The following NTNG2 variants were observed in gnomAD, a reference collection of about 807,000 sequenced individuals.
The protein encoded by NTNG2 is netrin-G2.
A neutral mutation model predicts 47.6 loss-of-function variants in NTNG2; 15 were observed. That is an observed-to-expected ratio of 0.32 (90% CI 0.21 to 0.49). The LOEUF (loss-of-function observed/expected upper bound fraction) is 0.49. Ranked by LOEUF, NTNG2 falls within the 20% of genes least tolerant of loss-of-function variation. The pLI, the probability that NTNG2 is intolerant of heterozygous loss-of-function variation, is 0.99. For synonymous variants in NTNG2, 307 were observed against 324.6 expected (o/e 0.95, Z 0.58); for missense variants, 578 against 764.6 (o/e 0.76, Z 2.88).
Position 132,180,928 on chromosome 9 carries a change from C to T in NTNG2, c.213+13884C>T, listed in dbSNP as rs1836888896. Among the ~76,000 whole-genome samples the T allele has an allele frequency of 6.6e-6, 1 of 152,206 alleles. No individual in the cohort carries two copies. Among genetic ancestry groups the T allele is most frequent in the African/African-American group, 2.4e-5 (1 of 41,442 alleles). Reference sequence around the variant, plus strand: ...GCACACACACACACATATAAGGTTGCAAACACTTTCAGGGACTTCCCAGAT... The same window carrying T: ...GCACACACACACACATATAAGGTTGTAAACACTTTCAGGGACTTCCCAGAT... On this transcript the variant is annotated intron_variant, in intron 2 of 7. Coordinates refer to ENST00000393229, the MANE Select transcript of NTNG2 (RefSeq NM_032536.4). The surrounding 1 kb of genome is among the most constrained non-coding windows in gnomAD (Gnocchi z 4.2).
chr9:132,174,492 C>T (rs1013243549), intron 2 of NTNG2, among the ~76,000 whole-genome samples: 59 of 152,284 alleles, frequency 3.9e-4, no homozygotes, highest in African/African-American at 1.4e-3. Flanking sequence ...GGGATAAGTC[C>T]CTTGTGACCC....
intron 2 of NTNG2, among the ~76,000 whole-genome samples, chr9:132,174,643 GGT>G (rs1836271442): frequency 6.6e-6 from 1 of 152,154 alleles, no homozygotes; most frequent in African/African-American, 2.4e-5. Context: ...AAAAGGGCCG[GGT>G]GCACGGTGGC....
At chr9:132,235,048 T>G (rs1841518588) in intron 5 of NTNG2, among the ~76,000 whole-genome samples, 2 of 152,340 alleles carry the variant, frequency 1.3e-5, no homozygotes, top group East Asian at 3.9e-4. Flanking sequence ...CCCGTTAGTC[T>G]ACGGGCTGAG....
In NTNG2 at chr9:132,168,247, C is replaced by T. The variant is rs552426405; in HGVS notation, c.213+1203C>T. Among the ~76,000 whole-genome samples the T allele has an allele frequency of 5.2e-3, 787 of 152,338 alleles. 7 individuals carry two copies. Among genetic ancestry groups the T allele is most frequent in the African/African-American group, 0.018 (754 of 41,570 alleles). ...ACTGGGCAGTGCTCCGGAGGCCGTC[C>T]CTGGCAGGGCAGGGCAGAGCTGGGT... On this transcript the variant is annotated intron_variant, in intron 2 of 7. Transcript: ENST00000393229.
chr9:132,202,762 G>A (rs1194709942), intron 3 of NTNG2, among the ~76,000 whole-genome samples: 3 of 152,150 alleles, frequency 2.0e-5, no homozygotes, highest in Non-Finnish European at 4.4e-5. Flanking sequence ...TTTAAGACAG[G>A]GTTCCCCAGC....
At chr9:132,165,608 T>TACATATAGGTATGGGTCCATCTGC (rs1835455447) in intron 1 of NTNG2, among the ~76,000 whole-genome samples, 1 of 152,258 alleles carries the variant, frequency 6.6e-6, no homozygotes. Flanking sequence ...TGTTCATCTG[T>TACATATAGGTATGGGTCCATCTGC]ACATATAGGT....
chr9:132,214,828 CT>C (rs1297889244), intron 3 of NTNG2, among the ~76,000 whole-genome samples: 2 of 151,806 alleles, frequency 1.3e-5, no homozygotes, highest in Non-Finnish European at 2.9e-5. Flanking sequence ...ATGGAATATA[CT>C]TGTACTAACA....
At chr9:132,212,950 G>C (rs1839704225) in intron 3 of NTNG2, among the ~76,000 whole-genome samples, 1 of 152,080 alleles carries the variant, frequency 6.6e-6, no homozygotes, top group Admixed American at 6.5e-5. Flanking sequence ...AGAAGACCAA[G>C]ATCCCCAGGC....
intron 2 of NTNG2, among the ~76,000 whole-genome samples, chr9:132,196,539 G>T (rs1349697792): frequency 6.6e-6 from 1 of 152,196 alleles, no homozygotes. Context: ...ATCCACCACT[G>T]CAGTATTATA....
At chr9:132,194,330 C>T (rs894065200) in intron 2 of NTNG2, among the ~76,000 whole-genome samples, 1 of 152,188 alleles carries the variant, frequency 6.6e-6, no homozygotes, top group East Asian at 1.9e-4. Context: ...GCACCCTTCC[C>T]GGCTGCTGGC....
At position 132,236,166 on chromosome 9, in the gene NTNG2, C is replaced by T. The variant is rs1363771072; in HGVS notation, c.1055-2938C>T. Among the ~76,000 whole-genome samples, 1 of 152,176 alleles carries T rather than the reference C, an allele frequency of 6.6e-6. No individual in the cohort carries two copies. The highest frequency in any genetic ancestry group is 1.5e-5 in the Non-Finnish European group (1 of 68,030). On this transcript the variant is annotated intron_variant, in intron 5 of 7. Transcript: ENST00000393229. This position sits in a 1 kb window ranked among gnomAD's most constrained non-coding sequence, Gnocchi z 4.3. ...TGCAGGAGCGGGGGCCATGAGACCT[C>T]GGAGGGTGGACTGTGGTGGGTGAAG...
Position 132,166,892 on chromosome 9 carries a change from A to G in NTNG2, c.61A>G (p.Ile21Val). Residue 21 changes from isoleucine (I) to valine (V), a missense_variant, in exon 2 of 8, where the codon ATC becomes GTC. Coordinates refer to ENST00000393229, the MANE Select transcript of NTNG2 (RefSeq NM_032536.4). ...CCCTCTGGCCTCTGGGGACTATGAC[A>G]TCTGCAAATCCTGGGTGACCACAGA... ...CLPLASGDYD[I>V]CKSWVTTDEG... The G allele has an allele frequency of 1.2e-6, 2 of 1,614,164 alleles. No homozygotes were observed. The highest frequency in any genetic ancestry group is 1.1e-5 in the South Asian group (1 of 91,080).
In NTNG2 at chr9:132,226,942, C is replaced by T. The variant is rs1313456911; in HGVS notation, c.951C>T (p.Gly317=). 2.5e-6 allele frequency: 4 copies of T among 1,612,946 alleles called. No individual in the cohort carries two copies. The highest frequency in any genetic ancestry group is 3.4e-6 in the Non-Finnish European group (4 of 1,179,850). The change falls in exon 4 of 8, where the codon GGC becomes GGT. Residue 317 remains glycine (G), a synonymous_variant. Transcript: ENST00000393229. The surrounding 1 kb of genome is among the most constrained non-coding windows in gnomAD (Gnocchi z 4.8). ...ACAACACCACCGGCCCCGACTGCGG[C>T]AAGTGCAAGAAGAATTTCCGCACCC... The part of the protein sequence containing the change: ...CEHNTTGPDC[G]KCKKNFRTRS...
chr9:132,190,110 G>A (rs1208997533), intron 2 of NTNG2, among the ~76,000 whole-genome samples: 1 of 150,102 alleles, frequency 6.7e-6, no homozygotes, highest in Non-Finnish European at 1.5e-5. Context: ...GCGGGCACCT[G>A]TAATCCCAGC....
intron 2 of NTNG2, among the ~76,000 whole-genome samples, chr9:132,186,142 G>T (rs1837364870): frequency 6.6e-6 from 1 of 152,194 alleles, no homozygotes; most frequent in Non-Finnish European, 1.5e-5. Context: ...GAGCAGTGGG[G>T]TTTCACCTAT....
Position 132,228,453 on chromosome 9 carries a change from C to T in NTNG2, c.1030+1432C>T, listed in dbSNP as rs535716611. 2.4e-4 allele frequency among the ~76,000 whole-genome samples: 36 copies of T among 152,220 alleles called. 1 individual carries two copies. The South Asian group carries it at 4.8e-3, about 20-fold the overall frequency. Reference sequence around the variant, plus strand: ...TTTCCTGAGGTCTCTCTTTAGTGGCCGTCACTCTCTCCCTGACTCACAAAT... The same window carrying T: ...TTTCCTGAGGTCTCTCTTTAGTGGCTGTCACTCTCTCCCTGACTCACAAAT... On this transcript the variant is annotated intron_variant, in intron 4 of 7. Coordinates refer to ENST00000393229, the MANE Select transcript of NTNG2 (RefSeq NM_032536.4).
chr9:132,229,352 TGACTG>T lies in NTNG2; in HGVS notation c.1031-1217_1031-1213del, dbSNP rs1293927541. Among the ~76,000 whole-genome samples, 5 of 152,142 alleles carry T rather than the reference TGACTG, an allele frequency of 3.3e-5. No homozygotes were observed. The South Asian group carries it at 6.2e-4, about 19-fold the overall frequency. On this transcript the variant is annotated intron_variant, in intron 4 of 7. Coordinates refer to ENST00000393229, the MANE Select transcript of NTNG2 (RefSeq NM_032536.4). ...CCAAGTGCAAGTCTGGGGGTCACCT[TGACTG>T]GAGACCCTCCTCCCGCCACGTTCTT... is the stretch of plus-strand genomic sequence containing the variant.
In NTNG2 at chr9:132,166,810, C is replaced by T. The variant is rs747723195; in HGVS notation, c.-22C>T. 14 of 1,611,526 alleles carry T rather than the reference C, an allele frequency of 8.7e-6. No individual in the cohort carries two copies. The highest frequency in any genetic ancestry group is 1.1e-5 in the Non-Finnish European group (13 of 1,178,854). ...GCCTCTCCAGGGCTTCTCTGGGCCG[C>T]GCCTCTGCAGACTGCGCAGCCATGC... On this transcript the variant is annotated 5_prime_UTR_variant, in exon 2 of 8. Coordinates refer to ENST00000393229, the MANE Select transcript of NTNG2 (RefSeq NM_032536.4).
At chr9:132,201,697 G>C (rs947426468) in intron 3 of NTNG2, among the ~76,000 whole-genome samples, 4 of 152,228 alleles carry the variant, frequency 2.6e-5, no homozygotes, top group African/African-American at 9.6e-5. Context: ...AACAGCAAAC[G>C]TTTATCGAGC....
Sources: gnomAD v4.1 joint callset for allele counts (sites outside exome capture counted in the v4.1 genomes callset) on GRCh38, gnomAD v4.1.1 for gene constraint, Gnocchi (gnomAD v3.1) non-coding constraint, MANE v1.5 for transcripts, NCBI Gene and HGNC (gene_info 2026-07-23, HGNC 2026-07-21) for gene names.